The following MAP1LC3A variants were observed in gnomAD, a reference collection of about 807,000 sequenced individuals.
MAP1LC3A encodes the protein microtubule-associated protein 1 light chain 3 alpha.
MAP1LC3A carries 10 observed loss-of-function variants against 15.2 expected under a neutral mutation model. The observed-to-expected ratio is 0.66, with a 90% confidence interval of 0.41 to 1.12. The LOEUF (loss-of-function observed/expected upper bound fraction) is 1.12, where lower values mean the gene tolerates loss of function less well. Ranked by LOEUF, MAP1LC3A falls within the 50% of genes most tolerant of loss-of-function variation. MAP1LC3A has a pLI of 0.00. For synonymous variants in MAP1LC3A, 63 were observed against 64.3 expected (o/e 0.98, Z 0.10); for missense variants, 138 against 167.3 (o/e 0.82, Z 0.97).
At chr20:34,550,250 C>T (rs557322428) in intron 2 of MAP1LC3A, among the ~76,000 whole-genome samples, 6 of 151,748 alleles carry the variant, frequency 4.0e-5, no homozygotes, top group East Asian at 2.0e-4. Context: ...TGCGCTTGAC[C>T]GTGGCTGAGA....
At chr20:34,558,030 G>A (rs957750752), upstream of MAP1LC3A, 1 of 978,500 alleles carries the variant, frequency 1.0e-6, no homozygotes, top group Non-Finnish European at 1.2e-6. The surrounding 1 kb of genome is among the most constrained non-coding windows in gnomAD (Gnocchi z 4.3). Context: ...TGTCTCTGCA[G>A]GTCTTTCAGT....
In MAP1LC3A at chr20:34,550,096, C is replaced by T. The variant is rs77634145; in HGVS notation, c.52+67C>T. On this transcript the variant is annotated intron_variant, in intron 2 of 4. Coordinates refer to the MAP1LC3A transcript ENST00000374837. The stretch of plus-strand genomic sequence containing the variant: ...CCTATGGTCTGTCCACACTCGCGGT[C>T]ATCAGTGGCCAAGCAGGCCAGGGTT... 3,024 of 1,497,106 alleles carry T rather than the reference C, an allele frequency of 2.0e-3. 60 individuals carry two copies. The African/African-American group carries it at 0.038, about 19-fold the overall frequency. The allele number at this position is 1,497,106 out of a possible 1,614,324, so 92.7% of individuals were successfully genotyped here. A position where few individuals can be genotyped will look rare whatever the true frequency, so the allele number is the denominator to read the frequency against.
At chr20:34,554,354 GTTTTTTTTTTTTTTTTTTTTT>G (rs537779341), upstream of MAP1LC3A, among the ~76,000 whole-genome samples, 19 of 106,162 alleles carry the variant, frequency 1.8e-4, no homozygotes, top group East Asian at 1.7e-3. Context: ...TATACGTTGG[GTTTTTTTTTTTTTTTTTTTTT>G]TTTTTTTTTT....
Position 34,558,955 on chromosome 20 carries a change from C to T in MAP1LC3A, c.40+47C>T, listed in dbSNP as rs1371081975. On this transcript the variant is annotated intron_variant, in intron 1 of 3. Coordinates refer to ENST00000360668, the MANE Select transcript of MAP1LC3A (RefSeq NM_032514.4). This position sits in a 1 kb window ranked among gnomAD's most constrained non-coding sequence, Gnocchi z 4.3. Reference sequence around the variant, plus strand: ...GCGAGCTCTGGGGCAGGGGTGCCGGCCGACCCCGACTGCCGCAGGTGACGT... The same window carrying T: ...GCGAGCTCTGGGGCAGGGGTGCCGGTCGACCCCGACTGCCGCAGGTGACGT... 2 of 1,349,294 alleles carry T rather than the reference C, an allele frequency of 1.5e-6. No homozygotes were observed. Among genetic ancestry groups the T allele is most frequent in the South Asian group, 1.8e-5 (1 of 55,842 alleles). 83.6% of individuals were successfully genotyped at this position (1,349,294 alleles called of 1,614,324 possible).
At chr20:34,558,618 C>A (rs113529229), upstream of MAP1LC3A, 4 of 1,220,996 alleles carry the variant, frequency 3.3e-6, no homozygotes, top group East Asian at 1.4e-4. The surrounding 1 kb of genome is among the most constrained non-coding windows in gnomAD (Gnocchi z 4.3). Context: ...AGGCTCTCTG[C>A]GCCGTGACGT....
intron 1 of MAP1LC3A, 124 bp downstream of exon 1, chr20:34,559,032 G>A (rs901605496): frequency 1.5e-6 from 2 of 1,334,822 alleles, no homozygotes; most frequent in Non-Finnish European, 1.9e-6. Flanking sequence ...GACCAGCTCC[G>A]GCCTGGGCGG....
Position 34,559,400 on chromosome 20 carries a change from C to CAA in MAP1LC3A, c.151_152dup (p.Phe52SerfsTer10). On this transcript the variant is annotated frameshift_variant, in exon 3 of 4. Transcript: ENST00000360668. LOFTEE classifies it high-confidence loss of function. ...AGCAGCTGCCCGTCCTGGACAAGAC[C>CAA]AAGTTTTTGGTCCCGGACCATGTCA... is the stretch of plus-strand genomic sequence containing the variant. The CAA allele has an allele frequency of 6.2e-7, 1 of 1,613,508 alleles. No homozygotes were observed. Among genetic ancestry groups the CAA allele is most frequent in the Non-Finnish European group, 8.5e-7 (1 of 1,179,782 alleles).
At chr20:34,552,131 G>A (rs550332124) in intron 2 of MAP1LC3A, among the ~76,000 whole-genome samples, 110 of 152,348 alleles carry the variant, frequency 7.2e-4, no homozygotes, top group African/African-American at 2.4e-3. Flanking sequence ...CCCAGTGGCT[G>A]GGATTACAGG....
At chr20:34,559,050 C>T (rs1982294626) in intron 1 of MAP1LC3A, 142 bp downstream of exon 1, 1 of 1,330,252 alleles carries the variant, frequency 7.5e-7, no homozygotes, top group South Asian at 1.9e-5. Context: ...CGGGGGCTGC[C>T]CGCTTCCCCA....
Position 34,559,337 on chromosome 20 carries a change from C to T in MAP1LC3A, c.97-10C>T. The T allele has an allele frequency of 6.2e-7, 1 of 1,608,240 alleles. No individual in the cohort carries two copies. Among genetic ancestry groups the T allele is most frequent in the Non-Finnish European group, 8.5e-7 (1 of 1,177,382 alleles). The stretch of plus-strand genomic sequence containing the variant: ...CGACACGACCCCCTGCCCGCCCGCC[C>T]TGCTCCCAGGTGATCATCGAGCGCT... On this transcript the variant is annotated splice_polypyrimidine_tract_variant and intron_variant, in intron 2 of 3. Coordinates refer to ENST00000360668, the MANE Select transcript of MAP1LC3A (RefSeq NM_032514.4).
upstream of MAP1LC3A, chr20:34,558,071 G>A: frequency 1.0e-6 from 1 of 985,428 alleles, no homozygotes; most frequent in Non-Finnish European, 1.2e-6. This position sits in a 1 kb window ranked among gnomAD's most constrained non-coding sequence, Gnocchi z 4.3. Flanking sequence ...TCGGGCCCGC[G>A]AGTTCTCCTG....
intron 2 of MAP1LC3A, among the ~76,000 whole-genome samples, chr20:34,550,380 G>T (rs1039428343): frequency 2.0e-5 from 3 of 152,154 alleles, no homozygotes; most frequent in Non-Finnish European, 4.4e-5. Flanking sequence ...CTTCTAGATG[G>T]CAAACGGCAT....
chr20:34,558,204 C>G, upstream of MAP1LC3A: 3 of 975,976 alleles, frequency 3.1e-6, no homozygotes, highest in Non-Finnish European at 3.7e-6. The surrounding 1 kb of genome is among the most constrained non-coding windows in gnomAD (Gnocchi z 4.3). Flanking sequence ...TCACCTCATC[C>G]TCTGAGACCT....
chr20:34,548,721 T>TA (rs1555792889), intron 1 of MAP1LC3A, among the ~76,000 whole-genome samples: 81 of 140,230 alleles, frequency 5.8e-4, no homozygotes, highest in Admixed American at 3.7e-3. Context: ...TTTTTTTTTT[T>TA]AAAGATGGAG....
chr20:34,547,363 G>A lies in MAP1LC3A; in HGVS notation c.-74+447G>A, dbSNP rs530150239. On this transcript the variant is annotated intron_variant, in intron 1 of 4. Coordinates refer to the MAP1LC3A transcript ENST00000374837. ...AAGGGAAGTGACTGGATAGAGGGTG[G>A]CAGTGGAATTTTTTTTTTAATTAAA... Among the ~76,000 whole-genome samples the A allele has an allele frequency of 3.3e-5, 5 of 151,820 alleles. No homozygotes were observed. The East Asian group carries it at 7.7e-4, about 23-fold the overall frequency.
intron 1 of MAP1LC3A, among the ~76,000 whole-genome samples, chr20:34,548,380 C>CCAGA (rs1349480368): frequency 6.6e-6 from 1 of 152,210 alleles, no homozygotes; most frequent in Non-Finnish European, 1.5e-5. Flanking sequence ...CCCCAGGTGA[C>CCAGA]CAGACCGCTC....
In MAP1LC3A at chr20:34,549,703, G is replaced by A. The variant is rs1412575046; in HGVS notation, c.-73-202G>A. ...ATTCAGAAATAGCTAGAAAATGGGC[G>A]GTAACTTTTGAGTGTTGCCATGGCC... On this transcript the variant is annotated intron_variant, in intron 1 of 4. Transcript: ENST00000374837. Among the ~76,000 whole-genome samples the A allele has an allele frequency of 2.6e-5, 4 of 152,180 alleles. No individual in the cohort carries two copies. In the South Asian group the frequency reaches 6.2e-4, roughly 24 times the overall value.
At position 34,560,150 on chromosome 20, in the gene MAP1LC3A, G is replaced by A; in HGVS notation, c.*252G>A. The A allele has an allele frequency of 2.5e-6, 1 of 392,370 alleles. No homozygotes were observed. Among genetic ancestry groups the A allele is most frequent in the Middle Eastern group, 7.1e-4 (1 of 1,402 alleles). 24.3% of individuals were successfully genotyped at this position (392,370 alleles called of 1,614,324 possible). A position where few individuals can be genotyped will look rare whatever the true frequency, so the allele number is the denominator to read the frequency against. ...GGGAGCAGCTCCCAGCACCCCTGCT[G>A]TGTGGTTCATCTTTTTTTTAGGCCC... On this transcript the variant is annotated 3_prime_UTR_variant, in exon 4 of 4. Coordinates refer to ENST00000360668, the MANE Select transcript of MAP1LC3A (RefSeq NM_032514.4).
At chr20:34,548,198 G>A (rs1216803841) in intron 1 of MAP1LC3A, among the ~76,000 whole-genome samples, 3 of 152,228 alleles carry the variant, frequency 2.0e-5, no homozygotes, top group Admixed American at 6.5e-5. Flanking sequence ...CTTTGGACGT[G>A]TTGAGTTCGG....
Sources: allele counts gnomAD v4.1 joint callset (sites outside exome capture counted in the v4.1 genomes callset), GRCh38; gene constraint gnomAD v4.1.1; non-coding constraint Gnocchi (gnomAD v3.1); transcripts MANE v1.5; gene names NCBI Gene and HGNC (gene_info 2026-07-23, HGNC 2026-07-21).